Variants in PKD1L1 observed in about 807,000 individuals in gnomAD.
PKD1L1 encodes polycystin 1 like 1, transient receptor potential channel interacting, also known as polycystin-1-like protein 1.
Under a neutral mutation model 323.4 loss-of-function variants are expected in PKD1L1, and 236 were observed. The ratio of observed to expected loss-of-function variants is 0.73; its 90% confidence interval spans 0.66 to 0.81. The LOEUF (loss-of-function observed/expected upper bound fraction) is 0.81, where lower values mean the gene tolerates loss of function less well. Ranked by LOEUF, PKD1L1 falls within the 40% of genes least tolerant of loss-of-function variation. The pLI, the probability that PKD1L1 is intolerant of heterozygous loss-of-function variation, is 0.00. For missense variants in PKD1L1, 3,320 were observed against 3,508.0 expected, an observed-to-expected ratio of 0.95 and a Z score of 1.35; for synonymous variants, 1,344 against 1,335.0, an observed-to-expected ratio of 1.01 and a Z score of -0.15.
chr7:47,915,289 A>G (rs961697214), intron 8 of PKD1L1, 143 bp downstream of exon 8: 1 of 560,482 alleles, frequency 1.8e-6, no homozygotes, highest in African/African-American at 1.9e-5. Flanking sequence ...TAACCTAACA[A>G]TGCCACACAC....
chr7:47,874,227 T>C (rs943050115), intron 23 of PKD1L1, among the ~76,000 whole-genome samples: 4 of 152,138 alleles, frequency 2.6e-5, no homozygotes, highest in African/African-American at 7.2e-5. Context: ...CTACATGATA[T>C]ATAGAAATTT....
At position 47,792,796 on chromosome 7, in the gene PKD1L1, T is replaced by C; in HGVS notation, c.8357A>G (p.Asn2786Ser). The C allele has an allele frequency of 6.2e-7, 1 of 1,611,624 alleles. No individual in the cohort carries two copies. Among genetic ancestry groups the C allele is most frequent in the South Asian group, 1.1e-5 (1 of 90,940 alleles). ...ATTTGCAAATTCATCCAAGTAGTAA[T>C]TCTGAAGGGAAGAAAATTAGATTAG... ...LEEAEMVENH[N>S]YYLDEFANLL... Residue 2786 changes from asparagine (N) to serine (S), a missense_variant and splice_region_variant, in exon 56 of 57, where the codon AAT becomes AGT. Asn to Ser is a conservative substitution (Grantham distance 46). Coordinates refer to ENST00000289672, the MANE Select transcript of PKD1L1 (RefSeq NM_138295.5).
chr7:47,877,919 A>T (rs1786445278), intron 21 of PKD1L1, among the ~76,000 whole-genome samples: 1 of 151,984 alleles, frequency 6.6e-6, no homozygotes, highest in African/African-American at 2.4e-5. Flanking sequence ...TATAACAAAC[A>T]CTCACTGGGT....
intron 56 of PKD1L1, among the ~76,000 whole-genome samples, chr7:47,777,004 G>A (rs1331042388): frequency 1.3e-5 from 2 of 152,004 alleles, no homozygotes; most frequent in African/African-American, 2.4e-5. Flanking sequence ...CAATTCTCCC[G>A]CCTCAGCTTC....
upstream of PKD1L1, among the ~76,000 whole-genome samples, chr7:47,949,240 G>A (rs1045227813): frequency 5.3e-5 from 8 of 151,598 alleles, no homozygotes; most frequent in East Asian, 1.9e-4. Context: ...ATGGTGGCAC[G>A]CACCTGTAGT....
upstream of PKD1L1, chr7:47,948,494 C>T (rs565509469): frequency 1.9e-6 from 3 of 1,564,772 alleles, no homozygotes; most frequent in East Asian, 6.7e-5. Flanking sequence ...CTTCTTCCTA[C>T]ATCCTCTGGA....
chr7:47,815,247 C>T (rs753368638), intron 47 of PKD1L1, 87 bp downstream of exon 47: 35 of 1,518,046 alleles, frequency 2.3e-5, no homozygotes, highest in Middle Eastern at 1.9e-4. Flanking sequence ...CTATGCAGTG[C>T]TGCAGTTCAG....
At chr7:47,945,837 A>T (rs1324802606) in intron 1 of PKD1L1, among the ~76,000 whole-genome samples, 1 of 152,140 alleles carries the variant, frequency 6.6e-6, no homozygotes, top group Non-Finnish European at 1.5e-5. Flanking sequence ...GATAACTTCC[A>T]AGTGCTACAC....
chr7:47,888,291 T>A, intron 16 of PKD1L1, 141 bp from the exon 17 acceptor site: 1 of 826,404 alleles, frequency 1.2e-6, no homozygotes, highest in Non-Finnish European at 1.9e-6. Flanking sequence ...ACAGCACATA[T>A]GATGGCACAT....
chr7:47,859,710 TC>T (rs1785984565), intron 26 of PKD1L1, among the ~76,000 whole-genome samples: 2 of 150,690 alleles, frequency 1.3e-5, no homozygotes, highest in African/African-American at 2.4e-5. Flanking sequence ...CACTGCATCC[TC>T]CGCCTCCTGG....
intron 13 of PKD1L1, among the ~76,000 whole-genome samples, chr7:47,902,101 G>C (rs1052571413): frequency 1.3e-5 from 2 of 149,110 alleles, no homozygotes; most frequent in Admixed American, 6.6e-5. Context: ...TGTGCTGAAT[G>C]CCAGAGTAAT....
intron 7 of PKD1L1, among the ~76,000 whole-genome samples, chr7:47,918,062 C>T (rs986140297): frequency 2.6e-5 from 4 of 152,036 alleles, no homozygotes; most frequent in African/African-American, 9.7e-5. Flanking sequence ...AAGAATTCAC[C>T]AACCAACGAT....
intron 20 of PKD1L1, among the ~76,000 whole-genome samples, chr7:47,881,025 T>C (rs139514630): frequency 3.0e-4 from 45 of 152,128 alleles, no homozygotes; most frequent in Admixed American, 8.5e-4. Flanking sequence ...GGTCCATCCA[T>C]CCCTGGCTCA....
At position 47,881,906 on chromosome 7, in the gene PKD1L1, T is replaced by C. The variant is rs1786561746; in HGVS notation, c.3442+3A>G. ...TTGGAGGGTACAAAGAGGACATTCA[T>C]ACCTGAGGATGAATAGCCTTGGAAA... On this transcript the variant is annotated splice_donor_region_variant and intron_variant, in intron 20 of 56. Coordinates refer to ENST00000289672, the MANE Select transcript of PKD1L1 (RefSeq NM_138295.5). 6.3e-7 allele frequency: 1 copy of C among 1,589,672 alleles called. No homozygotes were observed.
At chr7:47,936,661 C>G (rs910376049) in intron 4 of PKD1L1, among the ~76,000 whole-genome samples, 185 bp downstream of exon 4, 1 of 152,280 alleles carries the variant, frequency 6.6e-6, no homozygotes, top group Non-Finnish European at 1.5e-5. Flanking sequence ...ACTACCTGTT[C>G]TACTCCTGCA....
chr7:47,947,743 A>G (rs1024614208), intron 1 of PKD1L1, among the ~76,000 whole-genome samples: 6 of 152,170 alleles, frequency 3.9e-5, no homozygotes, highest in South Asian at 2.1e-4. Flanking sequence ...CAAGGCGGGC[A>G]GATCACAAGG....
rs1253248209 is a variant in PKD1L1, at chr7:47,856,652, C to G, written c.4590+953G>C. Among the ~76,000 whole-genome samples, 3 of 152,148 alleles carry G rather than the reference C, an allele frequency of 2.0e-5. No homozygotes were observed. In the East Asian group the frequency reaches 5.8e-4, roughly 29 times the overall value. On this transcript the variant is annotated intron_variant, in intron 28 of 56. Transcript: ENST00000289672. Reference sequence around the variant, plus strand: ...CCCTGGTTTACTCACTGCATCTCCACAAGCAGTAAGTGTTTTTAAGTAATT... The same window carrying G: ...CCCTGGTTTACTCACTGCATCTCCAGAAGCAGTAAGTGTTTTTAAGTAATT...
At chr7:47,794,519 A>G (rs1787028591) in intron 55 of PKD1L1, among the ~76,000 whole-genome samples, 3 of 152,172 alleles carry the variant, frequency 2.0e-5, no homozygotes, top group African/African-American at 7.2e-5. Flanking sequence ...ATTTCAGAAG[A>G]TGTATGGAAA....
intron 21 of PKD1L1, 46 bp downstream of exon 21, chr7:47,880,682 C>T: frequency 6.8e-7 from 1 of 1,465,240 alleles, no homozygotes; most frequent in Non-Finnish European, 9.4e-7. Flanking sequence ...AGAGACGCAG[C>T]AGGACTCCTC....
Sources: allele counts gnomAD v4.1 joint callset (sites outside exome capture counted in the v4.1 genomes callset), GRCh38; gene constraint gnomAD v4.1.1; transcripts MANE v1.5; gene names NCBI Gene and HGNC (gene_info 2026-07-23, HGNC 2026-07-21).